The following ATXN1 variants were observed in gnomAD, a reference collection of about 807,000 sequenced individuals.
The protein encoded by ATXN1 is ataxin-1.
A neutral mutation model predicts 56.4 loss-of-function variants in ATXN1; 8 were observed. That is an observed-to-expected ratio of 0.14 (90% CI 0.08 to 0.26). The LOEUF is 0.26. Ranked by LOEUF, ATXN1 falls within the 10% of genes least tolerant of loss-of-function variation. ATXN1 has a pLI of 1.00. For synonymous variants in ATXN1, 514 were observed against 494.6 expected, an observed-to-expected ratio of 1.04 and a Z score of -0.52; for missense variants, 987 against 1,106.5, an observed-to-expected ratio of 0.89 and a Z score of 1.53.
intron 3 of ATXN1, among the ~76,000 whole-genome samples, chr6:16,607,973 T>C (rs780791780): frequency 9.9e-5 from 15 of 152,178 alleles, no homozygotes; most frequent in Non-Finnish European, 1.9e-4. Context: ...TATAATCTTG[T>C]TAGTAAATGA....
chr6:16,673,820 T>C lies in ATXN1; in HGVS notation c.-614-15919A>G, dbSNP rs543171256. 6.6e-5 allele frequency among the ~76,000 whole-genome samples: 10 copies of C among 152,124 alleles called. No individual in the cohort carries two copies. The South Asian group carries it at 8.3e-4, about 13-fold the overall frequency. On this transcript the variant is annotated intron_variant, in intron 2 of 7. Transcript: ENST00000436367. ...GTGTGAGCCAATGCCCCCAGCCCCATTGCAGGATGTTCAGCAGCATTTCTG... is the reference window on the plus strand; with the variant it reads ...GTGTGAGCCAATGCCCCCAGCCCCACTGCAGGATGTTCAGCAGCATTTCTG...
chr6:16,319,539 T>G (rs1760596649), intron 7 of ATXN1, among the ~76,000 whole-genome samples: 1 of 152,166 alleles, frequency 6.6e-6, no homozygotes, highest in Non-Finnish European at 1.5e-5. Flanking sequence ...ACATCATAAA[T>G]TCATCAAAAA....
chr6:16,326,638 T>G lies in ATXN1; in HGVS notation c.1673A>C (p.Gln558Pro). Residue 558 changes from glutamine (Q) to proline (P), a missense_variant, in exon 7 of 8, where the codon CAG becomes CCG. Around this residue, in one of 3 missense-constraint regions of ATXN1, gnomAD observed 723 missense variants for 791.7 expected, o/e 0.91. Transcript: ENST00000436367. This position sits in a 1 kb window ranked among gnomAD's most constrained non-coding sequence, Gnocchi z 6.6. ...AGCCGCCGCCGGGGAGGCCACGGAC[T>G]GCACCACAGGCAGGTGGATCTGGGC... Reference protein sequence around the residue: ...VQAQIHLPVVQSVASPAAAPP... With the variant: ...VQAQIHLPVVPSVASPAAAPP... 6.2e-7 allele frequency: 1 copy of G among 1,613,884 alleles called. No homozygotes were observed. The highest frequency in any genetic ancestry group is 1.1e-5 in the South Asian group (1 of 91,088).
intron 6 of ATXN1, among the ~76,000 whole-genome samples, chr6:16,347,200 G>C (rs967080623): frequency 6.6e-6 from 1 of 152,208 alleles, no homozygotes; most frequent in Non-Finnish European, 1.5e-5. Flanking sequence ...CAGTCCCATC[G>C]ACCACCCAAG....
At chr6:16,362,216 G>A (rs1199740126) in intron 6 of ATXN1, among the ~76,000 whole-genome samples, 1 of 152,182 alleles carries the variant, frequency 6.6e-6, no homozygotes, top group African/African-American at 2.4e-5. Flanking sequence ...TGGAGAAACA[G>A]GGCAAGTAGC....
chr6:16,607,636 C>T (rs1219899870), intron 3 of ATXN1, among the ~76,000 whole-genome samples: 1 of 152,196 alleles, frequency 6.6e-6, no homozygotes, highest in Non-Finnish European at 1.5e-5. Flanking sequence ...TCTCTCTAGG[C>T]AACCATGGTC....
At chr6:16,705,155 G>T (rs562451183) in intron 2 of ATXN1, among the ~76,000 whole-genome samples, 8 of 152,314 alleles carry the variant, frequency 5.3e-5, no homozygotes, top group Admixed American at 5.2e-4. Context: ...GCTGGGACTT[G>T]GGGGAGGGCT....
intron 6 of ATXN1, among the ~76,000 whole-genome samples, chr6:16,459,679 C>T (rs866352499): frequency 3.9e-5 from 6 of 152,330 alleles, no homozygotes; most frequent in South Asian, 2.1e-4. Flanking sequence ...GAGGATCCCA[C>T]AGACCACAAA....
intron 3 of ATXN1, among the ~76,000 whole-genome samples, chr6:16,628,223 A>G (rs1039636341): frequency 6.6e-5 from 10 of 152,144 alleles, no homozygotes; most frequent in African/African-American, 2.4e-4. Context: ...CCAAACTCCA[A>G]ATTCAATGTG....
chr6:16,697,830 G>A (rs1342514246), intron 2 of ATXN1, among the ~76,000 whole-genome samples: 2 of 152,074 alleles, frequency 1.3e-5, no homozygotes, highest in African/African-American at 2.4e-5. Flanking sequence ...TTCAAATTAG[G>A]AATCAAGTCC....
At chr6:16,309,447 A>G (rs192837537) in intron 7 of ATXN1, among the ~76,000 whole-genome samples, 35 of 152,154 alleles carry the variant, frequency 2.3e-4, no homozygotes, top group African/African-American at 7.2e-4. Context: ...AAGATGGTCA[A>G]TATGGAGGAG....
At chr6:16,706,274 C>T (rs542904780) in intron 2 of ATXN1, among the ~76,000 whole-genome samples, 12 of 152,284 alleles carry the variant, frequency 7.9e-5, no homozygotes, top group African/African-American at 2.6e-4. Flanking sequence ...CTGTTGCCTG[C>T]TCCCAGTACT....
chr6:16,671,822 A>T (rs1009875883), intron 2 of ATXN1, among the ~76,000 whole-genome samples: 1 of 152,242 alleles, frequency 6.6e-6, no homozygotes, highest in African/African-American at 2.4e-5. Context: ...TCAAAACACA[A>T]ATCACATTCC....
At position 16,327,395 on chromosome 6, in the gene ATXN1, T is replaced by G. The variant is rs370675430; in HGVS notation, c.916A>C (p.Thr306Pro). 1 of 1,613,586 alleles carries G rather than the reference T, an allele frequency of 6.2e-7. No individual in the cohort carries two copies. The highest frequency in any genetic ancestry group is 8.5e-7 in the Non-Finnish European group (1 of 1,179,942). ...SGSHFVPREA[T>P]KKAESSRLQQ... ...AGCCGGCTGCTCTCAGCTTTCTTGGTGGCCTCCCGAGGGACAAAGTGGCTG... is the reference window on the plus strand; with the variant it reads ...AGCCGGCTGCTCTCAGCTTTCTTGGGGGCCTCCCGAGGGACAAAGTGGCTG... Residue 306 changes from threonine (T) to proline (P), a missense_variant, in exon 7 of 8, where the codon ACC (threonine) becomes CCC (proline). Around this residue, in one of 3 missense-constraint regions of ATXN1, gnomAD observed 723 missense variants for 791.7 expected, o/e 0.91. Transcript: ENST00000436367.
rs1019226267 is a variant in ATXN1, at chr6:16,317,962, A to C, written c.1917+8432T>G. 2.6e-5 allele frequency among the ~76,000 whole-genome samples: 4 copies of C among 152,352 alleles called. No homozygotes were observed. In the East Asian group the frequency reaches 7.7e-4, roughly 29 times the overall value. ...TGTCACCTTCCTAATCTGACTAATG[A>C]CTGGCTTTTAAGAAAAATTTTAGCT... is the stretch of plus-strand genomic sequence containing the variant. On this transcript the variant is annotated intron_variant, in intron 7 of 7. Coordinates refer to ENST00000436367, the MANE Select transcript of ATXN1 (RefSeq NM_001128164.2).
chr6:16,503,589 T>C (rs1369982654), intron 5 of ATXN1, among the ~76,000 whole-genome samples: 1 of 152,204 alleles, frequency 6.6e-6, no homozygotes, highest in Non-Finnish European at 1.5e-5. Flanking sequence ...GTAATTATTG[T>C]TCATATGGCT....
chr6:16,620,158 G>C lies in ATXN1; in HGVS notation c.-488-34251C>G, dbSNP rs145546250. ...AAACTTTTACAGTAGGAGAAACCTT[G>C]ATCTTATTTCTATGCTAGAGGAAAA... On this transcript the variant is annotated intron_variant, in intron 3 of 7. Transcript: ENST00000436367. 7.2e-5 allele frequency among the ~76,000 whole-genome samples: 11 copies of C among 151,926 alleles called. No individual in the cohort carries two copies. In the East Asian group the frequency reaches 1.7e-3, roughly 24 times the overall value.
At chr6:16,552,957 G>A (rs1761949068) in intron 4 of ATXN1, among the ~76,000 whole-genome samples, 1 of 152,240 alleles carries the variant, frequency 6.6e-6, no homozygotes, top group Non-Finnish European at 1.5e-5. Context: ...TAAAACGCCA[G>A]AGAACCAAAG....
At chr6:16,552,030 C>G (rs770324224) in intron 4 of ATXN1, among the ~76,000 whole-genome samples, 3 of 152,164 alleles carry the variant, frequency 2.0e-5, no homozygotes, top group African/African-American at 4.8e-5. Flanking sequence ...GGATGGTGGA[C>G]GTGTGCATAG....
Sources: gnomAD v4.1 joint callset for allele counts (sites outside exome capture counted in the v4.1 genomes callset) on GRCh38, gnomAD v4.1.1 for gene constraint, gnomAD v4.1.1 regional missense constraint, Gnocchi (gnomAD v3.1) non-coding constraint, MANE v1.5 for transcripts, NCBI Gene and HGNC (gene_info 2026-07-23, HGNC 2026-07-21) for gene names.